Variants in GPD2 observed in about 807,000 individuals in gnomAD.
GPD2 encodes the protein glycerol-3-phosphate dehydrogenase, mitochondrial.
Under a neutral mutation model 82.4 loss-of-function variants are expected in GPD2, and 54 were observed. The observed-to-expected ratio is 0.66, with a 90% CI of 0.53 to 0.82. GPD2 has a LOEUF of 0.82. Ranked by LOEUF, GPD2 falls within the 40% of genes least tolerant of loss-of-function variation. The pLI, the probability that GPD2 is intolerant of heterozygous loss-of-function variation, is 0.00. For missense variants in GPD2, 748 were observed against 896.2 expected (o/e 0.83, Z 2.11); for synonymous variants, 288 against 306.1 (o/e 0.94, Z 0.62).
chr2:156,536,195 C>T (rs1368843760), intron 6 of GPD2, among the ~76,000 whole-genome samples: 1 of 152,244 alleles, frequency 6.6e-6, no homozygotes, highest in Non-Finnish European at 1.5e-5. Context: ...CAAAGTGCTG[C>T]GAGGTTGTTT....
chr2:156,498,457 C>T (rs1311267994), intron 3 of GPD2, among the ~76,000 whole-genome samples: 3 of 152,136 alleles, frequency 2.0e-5, no homozygotes, highest in Non-Finnish European at 2.9e-5. Context: ...GCAAACATTG[C>T]TTGCTCAAAG....
At position 156,583,275 on chromosome 2, in the gene GPD2, G is replaced by A; in HGVS notation, c.*357G>A. The A allele has an allele frequency of 3.2e-6, 1 of 313,440 alleles. No individual in the cohort carries two copies. Among genetic ancestry groups the A allele is most frequent in the Non-Finnish European group, 6.2e-6 (1 of 160,742 alleles). The allele number at this position is 313,440 out of a possible 1,614,324, so 19.4% of individuals were successfully genotyped here. A position where few individuals can be genotyped will look rare whatever the true frequency, so the allele number is the denominator to read the frequency against. On this transcript the variant is annotated 3_prime_UTR_variant, in exon 17 of 17. Coordinates refer to ENST00000438166, the MANE Select transcript of GPD2 (RefSeq NM_000408.5). ...AATATTTTGGCAAAAATTGAAAAAAGCTGGAGACATTTTGTGACATGCATA... is the reference window on the plus strand; with the variant it reads ...AATATTTTGGCAAAAATTGAAAAAAACTGGAGACATTTTGTGACATGCATA...
the GPD2 span, among the ~76,000 whole-genome samples, chr2:156,426,601 A>G: frequency 6.6e-6 from 1 of 152,210 alleles, no homozygotes; most frequent in Non-Finnish European, 1.5e-5. Flanking sequence ...GTGGTGCTCA[A>G]CAAATACCCA....
At chr2:156,468,514 A>G (rs1340421133) in intron 1 of GPD2, among the ~76,000 whole-genome samples, 1 of 152,100 alleles carries the variant, frequency 6.6e-6, no homozygotes, top group Non-Finnish European at 1.5e-5. Flanking sequence ...GATGAAGTGT[A>G]AGGAGCATTT....
intron 6 of GPD2, among the ~76,000 whole-genome samples, chr2:156,540,819 A>G (rs1171165407): frequency 3.3e-5 from 5 of 152,216 alleles, no homozygotes; most frequent in Non-Finnish European, 7.3e-5. Flanking sequence ...GAGAGAGAGA[A>G]AAGGAGTAAA....
chr2:156,464,274 C>G (rs1050761152), intron 1 of GPD2, among the ~76,000 whole-genome samples: 1 of 152,144 alleles, frequency 6.6e-6, no homozygotes, highest in African/African-American at 2.4e-5. Flanking sequence ...GTGAGTCAGA[C>G]ATTTTTAGGA....
Position 156,585,850 on chromosome 2 carries a change from A to G in GPD2, c.*2932A>G, listed in dbSNP as rs1188419547. ...TTTGAAGGAGTGAAAAAGCCCTACTATGTTTTTAAATAGCAAGTGTAAGCT... is the reference window on the plus strand; with the variant it reads ...TTTGAAGGAGTGAAAAAGCCCTACTGTGTTTTTAAATAGCAAGTGTAAGCT... On this transcript the variant is annotated 3_prime_UTR_variant, in exon 17 of 17. Transcript: ENST00000438166. 2.6e-5 allele frequency: 4 copies of G among 152,608 alleles called. No individual in the cohort carries two copies. Among genetic ancestry groups the G allele is most frequent in the South Asian group, 2.1e-4 (1 of 4,830 alleles). 9.5% of individuals were successfully genotyped at this position (152,608 alleles called of 1,614,324 possible).
At chr2:156,402,303 A>G in the GPD2 span, among the ~76,000 whole-genome samples, 2 of 152,216 alleles carry the variant, frequency 1.3e-5, no homozygotes, top group South Asian at 4.1e-4. Context: ...AAATAAGGTA[A>G]TGACTTCTCC....
intron 6 of GPD2, among the ~76,000 whole-genome samples, chr2:156,526,601 T>TAGTTTC (rs1553473448): frequency 2.6e-5 from 4 of 151,898 alleles, no homozygotes; most frequent in Non-Finnish European, 5.9e-5. Context: ...TAATTAATTG[T>TAGTTTC]AGTTTAAGAT....
At chr2:156,512,445 T>G in intron 5 of GPD2, 128 bp downstream of exon 5, 1 of 701,450 alleles carries the variant, frequency 1.4e-6, no homozygotes, top group Non-Finnish European at 2.6e-6. Context: ...CTTTAATCCT[T>G]TTGAAGTATT....
chr2:156,526,336 CAG>C (rs1236041027), intron 6 of GPD2, among the ~76,000 whole-genome samples: 4 of 152,072 alleles, frequency 2.6e-5, no homozygotes, highest in East Asian at 1.9e-4. Context: ...TAAAATTAAT[CAG>C]AGAGTCTCAA....
intron 1 of GPD2, among the ~76,000 whole-genome samples, chr2:156,446,533 G>A (rs1409165120): frequency 6.6e-6 from 1 of 151,990 alleles, no homozygotes; most frequent in Non-Finnish European, 1.5e-5. Flanking sequence ...AAGAGAATAT[G>A]CATTTTTGAT....
At chr2:156,456,613 G>C (rs578078719) in intron 1 of GPD2, among the ~76,000 whole-genome samples, 2 of 151,986 alleles carry the variant, frequency 1.3e-5, no homozygotes, top group East Asian at 3.9e-4. Flanking sequence ...AAAAAAGTTG[G>C]TCTTCTTGAT....
At chr2:156,560,927 G>A (rs1460959155) in intron 9 of GPD2, among the ~76,000 whole-genome samples, 1 of 151,420 alleles carries the variant, frequency 6.6e-6, no homozygotes, top group Non-Finnish European at 1.5e-5. Flanking sequence ...GTGAGACACT[G>A]CTAAGCAAGC....
intron 1 of GPD2, among the ~76,000 whole-genome samples, chr2:156,447,068 T>C (rs747386133): frequency 6.6e-6 from 1 of 152,194 alleles, no homozygotes; most frequent in Non-Finnish European, 1.5e-5. Context: ...TACCTGCATG[T>C]ATTTATTTGT....
At chr2:156,509,827 G>T (rs553956723) in intron 3 of GPD2, among the ~76,000 whole-genome samples, 1 of 142,524 alleles carries the variant, frequency 7.0e-6, no homozygotes, top group South Asian at 2.2e-4. Flanking sequence ...AGGCTGGAGT[G>T]CAGTGGCATG....
the GPD2 span, among the ~76,000 whole-genome samples, chr2:156,419,278 C>T: frequency 2.6e-5 from 4 of 152,002 alleles, no homozygotes; most frequent in African/African-American, 9.7e-5. Context: ...AGGCTGGTCT[C>T]GAACTCCCAG....
At chr2:156,488,507 C>A (rs1684029556) in intron 2 of GPD2, among the ~76,000 whole-genome samples, 1 of 152,284 alleles carries the variant, frequency 6.6e-6, no homozygotes, top group Non-Finnish European at 1.5e-5. Context: ...GATTACAGGA[C>A]AACCTGGTTG....
chr2:156,492,122 C>A (rs1684198653), intron 2 of GPD2, among the ~76,000 whole-genome samples: 1 of 149,846 alleles, frequency 6.7e-6, no homozygotes, highest in African/African-American at 2.4e-5. Flanking sequence ...TGCATTCTCA[C>A]CACCACTTGG....
Sources: allele counts gnomAD v4.1 joint callset (sites outside exome capture counted in the v4.1 genomes callset), GRCh38; gene constraint gnomAD v4.1.1; transcripts MANE v1.5; gene names NCBI Gene and HGNC (gene_info 2026-07-23, HGNC 2026-07-21).